KLHL5: variants seen among roughly 807,000 people sequenced by gnomAD.
KLHL5 encodes the protein kelch like family member 5.
Under a neutral mutation model 77.7 loss-of-function variants are expected in KLHL5, and 48 were observed. That is an observed-to-expected ratio of 0.62 (90% CI 0.49 to 0.79). The LOEUF (loss-of-function observed/expected upper bound fraction) is 0.79, where lower values mean the gene tolerates loss of function less well. KLHL5 is among the 30% of genes least tolerant of loss of function. The pLI, the probability that KLHL5 is intolerant of heterozygous loss-of-function variation, is 0.00. For synonymous variants in KLHL5, 260 were observed against 297.0 expected (o/e 0.88, Z 1.28); for missense variants, 723 against 859.7 (o/e 0.84, Z 1.99).
intron 10 of KLHL5, chr4:39,115,611 C>A: frequency 7.1e-7 from 1 of 1,405,710 alleles, no homozygotes; most frequent in Admixed American, 3.2e-5. Context: ...GCTGATAGGA[C>A]TACTGGAGGG....
chr4:39,142,932 C>T, the KLHL5 span, among the ~76,000 whole-genome samples: 1 of 152,056 alleles, frequency 6.6e-6, no homozygotes, highest in Admixed American at 6.6e-5. Context: ...ATGAATGTGG[C>T]TGTAGAGGGA....
intron 1 of KLHL5, among the ~76,000 whole-genome samples, chr4:39,069,535 C>CATATATATATATAT (rs60163692): frequency 2.7e-4 from 37 of 136,386 alleles, no homozygotes; most frequent in African/African-American, 9.9e-4. Context: ...ACTTTTTTAC[C>CATATATATATATAT]ATATATATAT....
At chr4:39,082,702 C>T (rs34506243) in intron 4 of KLHL5, among the ~76,000 whole-genome samples, 71,164 of 152,008 alleles carry the variant, frequency 0.47, 17,757 homozygotes, top group Admixed American at 0.56. Context: ...GATGATAAAA[C>T]GAAATAATCT....
intron 2 of KLHL5, among the ~76,000 whole-genome samples, chr4:39,080,521 C>CT (rs1481615032): frequency 2.7e-5 from 4 of 146,632 alleles, no homozygotes; most frequent in African/African-American, 7.7e-5. Flanking sequence ...ATGAGACTGT[C>CT]TCAAAAAAAA....
chr4:39,062,179 TTTA>T (rs1474278525), upstream of KLHL5: 33 of 902,342 alleles, frequency 3.7e-5, no homozygotes, highest in Non-Finnish European at 4.5e-5. Context: ...ATAGAATACA[TTTA>T]TTGTTTCAGC....
chr4:39,117,847 G>A (rs959894419), intron 10 of KLHL5, among the ~76,000 whole-genome samples: 2 of 152,260 alleles, frequency 1.3e-5, no homozygotes, highest in South Asian at 2.1e-4. Context: ...GGCCAAGGTC[G>A]GCGGATCTTT....
chr4:39,075,948 T>G lies in KLHL5; in HGVS notation c.384-17T>G, dbSNP rs142140859. The G allele has an allele frequency of 4.0e-4, 627 of 1,569,558 alleles. 9 individuals are homozygous for G. The South Asian group carries it at 5.9e-3, about 15-fold the overall frequency. On this transcript the variant is annotated splice_polypyrimidine_tract_variant and intron_variant, in intron 1 of 10. Transcript: ENST00000504108. ...TGATAGTGATATTTCAAAATGTGTG[T>G]TTTTTTTTCTTTTCAGGACTTCCAA...
chr4:39,109,389 C>T (rs933018428), intron 8 of KLHL5, among the ~76,000 whole-genome samples: 3 of 152,054 alleles, frequency 2.0e-5, no homozygotes, highest in African/African-American at 7.2e-5. Context: ...TCCTCTGCCT[C>T]CCAGGTTCAA....
At chr4:39,045,738 C>T (rs1032543377) in intron 1 of KLHL5, among the ~76,000 whole-genome samples, 13 of 151,588 alleles carry the variant, frequency 8.6e-5, no homozygotes, top group African/African-American at 2.4e-4. Flanking sequence ...TTTATCGCTT[C>T]ATTTCATTTT....
chr4:39,051,971 G>T (rs1485762666), intron 1 of KLHL5, among the ~76,000 whole-genome samples: 1 of 152,146 alleles, frequency 6.6e-6, no homozygotes, highest in Non-Finnish European at 1.5e-5. Context: ...TAGTTTTACA[G>T]ATGGCCAGGG....
chr4:39,051,384 AC>A (rs1446681642), intron 1 of KLHL5, among the ~76,000 whole-genome samples: 253 of 146,208 alleles, frequency 1.7e-3, no homozygotes, highest in African/African-American at 5.2e-3. Flanking sequence ...AAAAAAAAAA[AC>A]AAGAATATGA....
intron 2 of KLHL5, among the ~76,000 whole-genome samples, chr4:39,079,582 G>T (rs1460488449): frequency 2.0e-5 from 3 of 152,090 alleles, no homozygotes; most frequent in African/African-American, 7.2e-5. Flanking sequence ...TCACTTTCCG[G>T]TGAGACCACC....
intron 6 of KLHL5, among the ~76,000 whole-genome samples, chr4:39,102,232 T>C (rs1056770049): frequency 4.0e-5 from 6 of 151,780 alleles, no homozygotes; most frequent in Admixed American, 2.6e-4. Flanking sequence ...CATGATGTAT[T>C]AGAAGCTTAG....
At chr4:39,055,304 A>T (rs1360168352) in intron 1 of KLHL5, among the ~76,000 whole-genome samples, 1 of 152,240 alleles carries the variant, frequency 6.6e-6, no homozygotes, top group African/African-American at 2.4e-5. Flanking sequence ...TCCTTGAAGA[A>T]AGCGATGCAT....
chr4:39,112,656 A>T (rs545778831), intron 8 of KLHL5: 14 of 154,104 alleles, frequency 9.1e-5, no homozygotes, highest in South Asian at 7.9e-4. Context: ...CTTAACTATT[A>T]AAAAAAAAGC....
chr4:39,121,355 A>G lies in KLHL5; in HGVS notation c.*289A>G, dbSNP rs1319894319. ...CTGCTCTGGAACATAACCCAGTGCT[A>G]ACTGGGGGTTTCATTTATTCAGTCA... On this transcript the variant is annotated 3_prime_UTR_variant, in exon 11 of 11. Transcript: ENST00000504108. 5.4e-6 allele frequency: 2 copies of G among 367,534 alleles called. No individual in the cohort carries two copies. The highest frequency in any genetic ancestry group is 9.9e-6 in the Non-Finnish European group (2 of 201,562). 22.8% of individuals were successfully genotyped at this position (367,534 alleles called of 1,614,324 possible). A position where few individuals can be genotyped will look rare whatever the true frequency, so the allele number is the denominator to read the frequency against.
At chr4:39,138,635 G>GA in the KLHL5 span, among the ~76,000 whole-genome samples, 1 of 152,024 alleles carries the variant, frequency 6.6e-6, no homozygotes, top group African/African-American at 2.4e-5. Flanking sequence ...AGAGGATCAG[G>GA]AAAAATAGCT....
chr4:39,139,663 A>G, the KLHL5 span, among the ~76,000 whole-genome samples: 1 of 152,166 alleles, frequency 6.6e-6, no homozygotes. Flanking sequence ...TGAACTCTGT[A>G]CCTTCCGCTC....
Position 39,081,098 on chromosome 4 carries a change from C to A in KLHL5, c.567-5C>A. On this transcript the variant is annotated splice_polypyrimidine_tract_variant and splice_region_variant and intron_variant, in intron 2 of 10. Coordinates refer to ENST00000504108, the MANE Select transcript of KLHL5 (RefSeq NM_015990.5). This position sits in a 1 kb window ranked among gnomAD's most constrained non-coding sequence, Gnocchi z 4.3. ...TTGATTTTTTTTTTCCTAATGTGTT[C>A]ACAGATTGGTGCTCTCCTCTGTCTC... 1 of 1,595,694 alleles carries A rather than the reference C, an allele frequency of 6.3e-7. No individual in the cohort carries two copies.
Sources: allele counts gnomAD v4.1 joint callset (sites outside exome capture counted in the v4.1 genomes callset), GRCh38; gene constraint gnomAD v4.1.1; non-coding constraint Gnocchi (gnomAD v3.1); transcripts MANE v1.5; gene names NCBI Gene and HGNC (gene_info 2026-07-23, HGNC 2026-07-21).